The following OPN3 variants were observed in gnomAD, a reference collection of about 807,000 sequenced individuals.
OPN3 encodes the protein opsin 3.
Under a neutral mutation model 33.8 loss-of-function variants are expected in OPN3, and 29 were observed. The observed-to-expected ratio is 0.86, with a 90% CI of 0.64 to 1.17. The LOEUF (loss-of-function observed/expected upper bound fraction) is 1.17. Among genes scored for constraint, OPN3 ranks in the 50% most tolerant of loss-of-function variants. OPN3 has a pLI of 0.00. For missense variants in OPN3, 437 were observed against 514.1 expected, an observed-to-expected ratio of 0.85 and a Z score of 1.45; for synonymous variants, 216 against 216.1, an observed-to-expected ratio of 1.00 and a Z score of 0.00.
In OPN3 at chr1:241,640,310, C is replaced by G. The variant is rs1286181328; in HGVS notation, c.-56G>C. The G allele has an allele frequency of 9.1e-7, 1 of 1,099,990 alleles. No homozygotes were observed. Among genetic ancestry groups the G allele is most frequent in the African/African-American group, 1.7e-5 (1 of 59,732 alleles). The allele number at this position is 1,099,990 out of a possible 1,614,324, so 68.1% of individuals were successfully genotyped here. The stretch of plus-strand genomic sequence containing the variant: ...GGCGCTCAGCTTGCGGCGGGGCTCG[C>G]GGCGCGCTCCGCACTGGGTGGGGTT... On this transcript the variant is annotated 5_prime_UTR_variant, in exon 1 of 4. Coordinates refer to ENST00000366554, the MANE Select transcript of OPN3 (RefSeq NM_014322.3).
chr1:241,631,526 C>T (rs1025356809), intron 1 of OPN3: 3 of 152,100 alleles, frequency 2.0e-5, no homozygotes, highest in Non-Finnish European at 2.9e-5. Context: ...AAAGTCAATA[C>T]AATCCATGAC....
intron 1 of OPN3, chr1:241,635,151 C>T (rs749098212): frequency 6.2e-7 from 1 of 1,612,888 alleles, no homozygotes; most frequent in South Asian, 1.1e-5. Flanking sequence ...GCCTTATCTT[C>T]TACTGTAGAT....
intron 1 of OPN3, chr1:241,634,486 T>C: frequency 6.2e-7 from 1 of 1,613,852 alleles, no homozygotes; most frequent in Non-Finnish European, 8.5e-7. Flanking sequence ...CATTTATTCT[T>C]TGACCAAAGT....
intron 1 of OPN3, among the ~76,000 whole-genome samples, chr1:241,626,352 T>C (rs899510415): frequency 6.6e-5 from 10 of 152,054 alleles, no homozygotes; most frequent in Non-Finnish European, 1.2e-4. Context: ...AGAGGTACCA[T>C]ACACATAGTC....
In OPN3 at chr1:241,594,576, T is replaced by C. The variant is rs761305857; in HGVS notation, c.1061A>G (p.Gln354Arg). ...EMQIRPIVMS[Q>R]KDGDRPKKKV... is the part of the protein sequence containing the mutation. ...TTTCTTTGGCCTGTCCCCATCTTTC[T>C]GTGACATCACAATGGGTCTGATCTG... The change falls in exon 4 of 4, where the codon CAG becomes CGG. Residue 354 changes from glutamine to arginine, a missense_variant. By Grantham distance (43) the Gln-to-Arg change is conservative. Coordinates refer to ENST00000366554, the MANE Select transcript of OPN3 (RefSeq NM_014322.3). 1.2e-6 allele frequency: 2 copies of C among 1,614,068 alleles called. No individual in the cohort carries two copies. The highest frequency in any genetic ancestry group is 4.5e-5 in the East Asian group (2 of 44,896).
rs774378081 is a variant in OPN3 at position 241,604,407 on chromosome 1, G to A, written c.546C>T (p.Asp182=). Residue 182 remains aspartate, a synonymous_variant, in exon 2 of 4, where the codon GAC becomes GAT. Transcript: ENST00000366554. ...PLLGWNRYIL[D]VHGLGCTVDW... ...CCACAGTGCAGCCTAGTCCGTGTAC[G>A]TCCAGGATGTACCTGTTCCATCCCA... 26 of 1,614,038 alleles carry A rather than the reference G, an allele frequency of 1.6e-5. No individual in the cohort carries two copies. Among genetic ancestry groups the A allele is most frequent in the South Asian group, 7.7e-5 (7 of 91,088 alleles).
chr1:241,618,202 T>G (rs765059283), intron 1 of OPN3, among the ~76,000 whole-genome samples: 19 of 152,298 alleles, frequency 1.2e-4, no homozygotes, highest in Admixed American at 2.6e-4. Flanking sequence ...CTCTTTGATG[T>G]TCAATTTAAC....
At chr1:241,638,708 ATAT>A (rs1343588346) in intron 1 of OPN3, among the ~76,000 whole-genome samples, 1 of 152,186 alleles carries the variant, frequency 6.6e-6, no homozygotes, top group Non-Finnish European at 1.5e-5. Flanking sequence ...GGGGAGGAAA[ATAT>A]TATAACCTCT....
intron 1 of OPN3, chr1:241,633,272 C>T (rs1573967055): frequency 6.4e-6 from 1 of 156,960 alleles, no homozygotes; most frequent in Non-Finnish European, 1.4e-5. Flanking sequence ...ATTTTATTAT[C>T]ATATTGGCAT....
At chr1:241,595,904 C>A (rs1028179135) in intron 3 of OPN3, among the ~76,000 whole-genome samples, 5 of 146,796 alleles carry the variant, frequency 3.4e-5, no homozygotes, top group African/African-American at 5.3e-5. Flanking sequence ...TGCCAAAAAA[C>A]GTTTTTCCAT....
At chr1:241,594,759 G>A (rs1405800928) in intron 3 of OPN3, 68 bp from the exon 4 acceptor site, 1 of 1,543,990 alleles carries the variant, frequency 6.5e-7, no homozygotes, top group African/African-American at 1.4e-5. Flanking sequence ...TAACATTCGA[G>A]GAAATCAGTT....
At chr1:241,626,971 T>C (rs1664438627) in intron 1 of OPN3, among the ~76,000 whole-genome samples, 1 of 152,196 alleles carries the variant, frequency 6.6e-6, no homozygotes, top group African/African-American at 2.4e-5. Flanking sequence ...TGCTACACTT[T>C]GTCAACCCTG....
intron 1 of OPN3, among the ~76,000 whole-genome samples, chr1:241,627,802 G>A (rs1197385400): frequency 6.6e-6 from 1 of 152,164 alleles, no homozygotes; most frequent in African/African-American, 2.4e-5. Flanking sequence ...TTCAGAGGAA[G>A]CAGCCACCTT....
chr1:241,608,297 T>C (rs1202857375), intron 1 of OPN3, among the ~76,000 whole-genome samples: 1 of 152,178 alleles, frequency 6.6e-6, no homozygotes, highest in East Asian at 1.9e-4. Context: ...GCTGGTAAAA[T>C]AAGCTGGTAT....
chr1:241,601,925 T>C (rs1663688407), intron 2 of OPN3, among the ~76,000 whole-genome samples: 1 of 152,100 alleles, frequency 6.6e-6, no homozygotes, highest in African/African-American at 2.4e-5. Context: ...TTAGGGAAAA[T>C]ATGACAAATT....
intron 1 of OPN3, among the ~76,000 whole-genome samples, chr1:241,606,546 AAAATAAATAAATAAATAAATAAATAAAT>A (rs10677298): frequency 7.0e-6 from 1 of 142,038 alleles, no homozygotes; most frequent in Non-Finnish European, 1.5e-5. Context: ...ACTCTGATTC[AAAATAAATAAATAAATAAATAAATAAAT>A]AAATAAATAA....
chr1:241,630,281 T>A (rs1664579407), intron 1 of OPN3: 1 of 152,034 alleles, frequency 6.6e-6, no homozygotes, highest in Non-Finnish European at 1.5e-5. Context: ...CTGGCATGGC[T>A]CCCATGGGAG....
At chr1:241,596,318 GT>G (rs1663507670) in intron 3 of OPN3, among the ~76,000 whole-genome samples, 1 of 152,100 alleles carries the variant, frequency 6.6e-6, no homozygotes, top group Non-Finnish European at 1.5e-5. Flanking sequence ...CTAAAAAATT[GT>G]TATAAACAAT....
At chr1:241,626,028 T>C (rs551899177) in intron 1 of OPN3, among the ~76,000 whole-genome samples, 1 of 152,304 alleles carries the variant, frequency 6.6e-6, no homozygotes, top group South Asian at 2.1e-4. Context: ...GGGAGAAAAT[T>C]AGCAAAATTA....
Sources: allele counts gnomAD v4.1 joint callset (sites outside exome capture counted in the v4.1 genomes callset), GRCh38; gene constraint gnomAD v4.1.1; transcripts MANE v1.5; gene names NCBI Gene and HGNC (gene_info 2026-07-23, HGNC 2026-07-21).